Variants in MALRD1 observed in about 807,000 individuals in gnomAD.
MALRD1 encodes MAM and LDL receptor class A domain containing 1, also known as MAM and LDL-receptor class A domain-containing protein 1.
MALRD1 carries 247 observed loss-of-function variants against 242.1 expected under a neutral mutation model. The ratio of observed to expected loss-of-function variants is 1.02; its 90% CI spans 0.92 to 1.13. The LOEUF (loss-of-function observed/expected upper bound fraction) is 1.13. Ranked by LOEUF, MALRD1 falls within the 50% of genes most tolerant of loss-of-function variation. MALRD1 has a pLI of 0.00. For missense variants in MALRD1, 2,989 were observed against 2,533.1 expected (o/e 1.18, Z -3.86); for synonymous variants, 995 against 866.6 (o/e 1.15, Z -2.60).
chr10:19,621,132 A>G (rs1182933945), intron 36 of MALRD1, among the ~76,000 whole-genome samples: 1 of 151,696 alleles, frequency 6.6e-6, no homozygotes, highest in Non-Finnish European at 1.5e-5. Context: ...TCATTCATAC[A>G]AGGCCTTTGT....
In MALRD1 at chr10:19,540,656, G is replaced by A. The variant is rs560154711; in HGVS notation, c.5478+9305G>A. On this transcript the variant is annotated intron_variant, in intron 32 of 39. Transcript: ENST00000454679. ...TCTCATGAGATGTTACTATATAGAC[G>A]AGGACCCAGCCCATCTCATAGTTAT... Among the ~76,000 whole-genome samples, 14 of 152,106 alleles carry A rather than the reference G, an allele frequency of 9.2e-5. 1 individual carries two copies. The South Asian group carries it at 2.5e-3, about 27-fold the overall frequency.
chr10:19,227,481 A>G (rs1837848320), intron 18 of MALRD1, among the ~76,000 whole-genome samples: 1 of 152,110 alleles, frequency 6.6e-6, no homozygotes, highest in Non-Finnish European at 1.5e-5. Flanking sequence ...CTCAACATGT[A>G]TTTTATAGAT....
At chr10:19,249,538 A>C (rs1001338263) in intron 18 of MALRD1, among the ~76,000 whole-genome samples, 1 of 151,970 alleles carries the variant, frequency 6.6e-6, no homozygotes, top group Non-Finnish European at 1.5e-5. Flanking sequence ...AAGAGCTTAT[A>C]ATGTGCTAGT....
chr10:19,442,684 G>A (rs750150563), intron 28 of MALRD1, among the ~76,000 whole-genome samples: 5 of 152,110 alleles, frequency 3.3e-5, no homozygotes, highest in Non-Finnish European at 7.4e-5. Flanking sequence ...TGATCATGGT[G>A]GATAAGCTTT....
Position 19,531,304 on chromosome 10 carries a change from C to A in MALRD1, c.5431C>A (p.Arg1811=). 1.3e-6 allele frequency: 2 copies of A among 1,549,664 alleles called. No individual in the cohort carries two copies. The highest frequency in any genetic ancestry group is 1.7e-6 in the Non-Finnish European group (2 of 1,146,386). Reference sequence around the variant, plus strand: ...AGCAAGCCTTGGAATGTGTACTGTTCGGTTCTGGTTCTACATGATTGATCC... The same window carrying A: ...AGCAAGCCTTGGAATGTGTACTGTTAGGTTCTGGTTCTACATGATTGATCC... The part of the protein sequence containing the change: ...FPASLGMCTV[R]FWFYMIDPRS... Residue 1811 remains arginine (R), a synonymous_variant, in exon 32 of 40, where the codon CGG becomes AGG. Coordinates refer to ENST00000454679, the MANE Select transcript of MALRD1 (RefSeq NM_001142308.3).
chr10:19,182,283 T>C (rs535205265), intron 14 of MALRD1, among the ~76,000 whole-genome samples: 170 of 151,786 alleles, frequency 1.1e-3, no homozygotes, highest in African/African-American at 3.9e-3. Context: ...TTCTTATCAG[T>C]TAGAATTCCA....
rs143908569 is a variant in MALRD1, at chr10:19,111,532, A to G, written c.694+7457A>G. ...AGTTATCAATGCATATGGAAAGTAG[A>G]CCTACACGTATGACAGAGGGCAATA... is the stretch of plus-strand genomic sequence containing the variant. On this transcript the variant is annotated intron_variant, in intron 5 of 39. Transcript: ENST00000454679. Among the ~76,000 whole-genome samples the G allele has an allele frequency of 2.4e-3, 370 of 152,320 alleles. 2 individuals carry two copies. Among genetic ancestry groups the G allele is most frequent in the African/African-American group, 8.3e-3 (347 of 41,580 alleles).
At chr10:19,541,840 A>G (rs958259847) in intron 32 of MALRD1, among the ~76,000 whole-genome samples, 1 of 152,226 alleles carries the variant, frequency 6.6e-6, no homozygotes, top group African/African-American at 2.4e-5. Context: ...AAACCTTGCT[A>G]AAATGTGCTA....
chr10:19,383,708 C>T (rs940023965), intron 26 of MALRD1, among the ~76,000 whole-genome samples: 1 of 151,858 alleles, frequency 6.6e-6, no homozygotes, highest in Non-Finnish European at 1.5e-5. Context: ...TTAGGTAAAT[C>T]ATATTTACAT....
chr10:19,259,501 G>A (rs1012155094), intron 19 of MALRD1, among the ~76,000 whole-genome samples: 1 of 152,160 alleles, frequency 6.6e-6, no homozygotes, highest in African/African-American at 2.4e-5. Context: ...AAGAGAGTGT[G>A]TACAGGGTAA....
chr10:19,416,528 T>C lies in MALRD1; in HGVS notation c.4845+26919T>C, dbSNP rs531547968. 3.4e-4 allele frequency among the ~76,000 whole-genome samples: 51 copies of C among 152,196 alleles called. No individual in the cohort carries two copies. The South Asian group carries it at 8.1e-3, about 24-fold the overall frequency. ...CTCAAATATATTCAGCAGCTCCTCA[T>C]TGCCAGGTGGAAAAAAAAAAAGTCC... On this transcript the variant is annotated intron_variant, in intron 28 of 39. Coordinates refer to ENST00000454679, the MANE Select transcript of MALRD1 (RefSeq NM_001142308.3).
intron 21 of MALRD1, among the ~76,000 whole-genome samples, chr10:19,306,341 TAC>T (rs1842197668): frequency 7.2e-6 from 1 of 138,328 alleles, no homozygotes; most frequent in African/African-American, 2.7e-5. Flanking sequence ...GTCGTATATA[TAC>T]CATATATAGT....
At position 19,313,951 on chromosome 10, in the gene MALRD1, G is replaced by T. The variant is rs931658256; in HGVS notation, c.3420-9998G>T. 2.0e-5 allele frequency among the ~76,000 whole-genome samples: 3 copies of T among 151,448 alleles called. No homozygotes were observed. In the East Asian group the frequency reaches 5.8e-4, roughly 29 times the overall value. ...TCATCACATCATTTTTATTTCATGA[G>T]ACTAGGAAAGAGAAATCTAAAAGCA... On this transcript the variant is annotated intron_variant, in intron 21 of 39. Coordinates refer to ENST00000454679, the MANE Select transcript of MALRD1 (RefSeq NM_001142308.3).
intron 8 of MALRD1, among the ~76,000 whole-genome samples, chr10:19,130,199 G>A (rs1833046121): frequency 6.6e-6 from 1 of 152,020 alleles, no homozygotes; most frequent in South Asian, 2.1e-4. Context: ...CCTTCCTGCA[G>A]CATTACAAAC....
At position 19,616,000 on chromosome 10, in the gene MALRD1, T is replaced by A. The variant is rs200495943; in HGVS notation, c.6137+77T>A. The A allele has an allele frequency of 5.0e-6, 5 of 1,009,346 alleles. No individual in the cohort carries two copies. In the East Asian group the frequency reaches 1.3e-4, roughly 26 times the overall value. 62.5% of individuals were successfully genotyped at this position (1,009,346 alleles called of 1,614,324 possible). A position where few individuals can be genotyped will look rare whatever the true frequency, so the allele number is the denominator to read the frequency against. ...CTTATTTTTCTATAGGCTGATATAA[T>A]AGAGCATCAATCAGTTTGTGGTTAG... is the stretch of plus-strand genomic sequence containing the variant. On this transcript the variant is annotated intron_variant, in intron 36 of 39. Transcript: ENST00000454679.
intron 18 of MALRD1, among the ~76,000 whole-genome samples, chr10:19,242,787 C>T (rs1458321170): frequency 6.6e-6 from 1 of 151,840 alleles, no homozygotes; most frequent in Non-Finnish European, 1.5e-5. Context: ...ATATATTTTT[C>T]CATCTCTTCA....
intron 21 of MALRD1, among the ~76,000 whole-genome samples, chr10:19,296,229 T>C (rs1389244593): frequency 6.6e-6 from 1 of 152,192 alleles, no homozygotes; most frequent in African/African-American, 2.4e-5. Flanking sequence ...GTTACCTTTT[T>C]GGATATGTGC....
intron 36 of MALRD1, among the ~76,000 whole-genome samples, chr10:19,643,160 G>A (rs754301911): frequency 7.9e-5 from 12 of 152,074 alleles, no homozygotes; most frequent in African/African-American, 1.7e-4. Context: ...AGCCCGGAGC[G>A]GTGGCTCACG....
At chr10:19,140,503 C>T (rs1247339426) in intron 10 of MALRD1, among the ~76,000 whole-genome samples, 1 of 151,114 alleles carries the variant, frequency 6.6e-6, no homozygotes, top group African/African-American at 2.4e-5. Context: ...ACTGAAGTCT[C>T]TGAGAATGGA....
Sources: gnomAD v4.1 joint callset for allele counts (sites outside exome capture counted in the v4.1 genomes callset) on GRCh38, gnomAD v4.1.1 for gene constraint, MANE v1.5 for transcripts, NCBI Gene and HGNC (gene_info 2026-07-23, HGNC 2026-07-21) for gene names.